Variants in PLCB4 observed in about 807,000 individuals in gnomAD.
PLCB4 encodes the protein 1-phosphatidylinositol 4,5-bisphosphate phosphodiesterase beta-4.
PLCB4 carries 77 observed loss-of-function variants against 178.8 expected under a neutral mutation model. The observed-to-expected ratio is 0.43, with a 90% CI of 0.36 to 0.52. The LOEUF is 0.52. Among genes scored for constraint, PLCB4 ranks in the 20% least tolerant of loss-of-function variants. The pLI is 0.00. For synonymous variants in PLCB4, 496 were observed against 490.8 expected (o/e 1.01, Z -0.14); for missense variants, 1,024 against 1,453.4 (o/e 0.70, Z 4.80).
intron 7 of PLCB4, among the ~76,000 whole-genome samples, chr20:9,356,620 G>A (rs897451190): frequency 6.6e-6 from 1 of 152,142 alleles, no homozygotes; most frequent in African/African-American, 2.4e-5. Context: ...TGCTCCAAGT[G>A]CATGGAAATG....
chr20:9,072,810 G>C (rs191657456), intron 1 of PLCB4, among the ~76,000 whole-genome samples: 1 of 152,244 alleles, frequency 6.6e-6, no homozygotes, highest in East Asian at 1.9e-4. Context: ...TTATGTTCCA[G>C]GGAATGAATG....
At chr20:9,392,423 TA>T (rs758072218) in intron 17 of PLCB4, among the ~76,000 whole-genome samples, 4 of 152,184 alleles carry the variant, frequency 2.6e-5, no homozygotes, top group Non-Finnish European at 5.9e-5. Flanking sequence ...AGTAAAGTTA[TA>T]AAGTCATTTA....
chr20:9,269,930 G>T (rs1398181202), intron 3 of PLCB4, among the ~76,000 whole-genome samples: 1 of 152,104 alleles, frequency 6.6e-6, no homozygotes, highest in Non-Finnish European at 1.5e-5. Context: ...AAATATTTAA[G>T]TGCTTCTAAC....
upstream of PLCB4, chr20:9,068,727 C>CGGGAGGCGAGAACGAGGA (rs1277499932): frequency 8.0e-5 from 12 of 150,760 alleles, no homozygotes; most frequent in African/African-American, 2.7e-4. Context: ...GCTCTGGAGC[C>CGGGAGGCGAGAACGAGGA]GGGAGGCGAG....
chr20:9,459,751 A>G lies in PLCB4; in HGVS notation c.3189A>G (p.Lys1063=). The G allele has an allele frequency of 6.2e-7, 1 of 1,613,420 alleles. No individual in the cohort carries two copies. The highest frequency in any genetic ancestry group is 8.5e-7 in the Non-Finnish European group (1 of 1,179,472). Residue 1063 remains lysine, a synonymous_variant, in exon 35 of 40, where the codon AAA becomes AAG. Coordinates refer to ENST00000378473, the MANE Select transcript of PLCB4 (RefSeq NM_001377142.1). ...TCAGCCAGCAGTGTGAGCTGCTGAA[A>G]AAGCTACTCATCAATGCCCACGAGC... The part of the protein sequence containing the change: ...LHLSQQCELL[K]KLLINAHEQQ...
At chr20:9,429,254 T>C (rs1311320916) in intron 28 of PLCB4, among the ~76,000 whole-genome samples, 2 of 152,152 alleles carry the variant, frequency 1.3e-5, no homozygotes, top group Admixed American at 6.5e-5. Context: ...GGAGTTTGCA[T>C]GCATCCATCT....
chr20:9,390,051 A>G, intron 16 of PLCB4, 93 bp downstream of exon 16: 1 of 699,966 alleles, frequency 1.4e-6, no homozygotes, highest in Non-Finnish European at 2.5e-6. Flanking sequence ...AAATAGCTGA[A>G]TAGTTTGTTT....
intron 3 of PLCB4, among the ~76,000 whole-genome samples, chr20:9,238,955 T>C (rs1032897049): frequency 3.3e-5 from 5 of 152,218 alleles, no homozygotes; most frequent in African/African-American, 9.6e-5. Context: ...CTTATGGTGG[T>C]CATTGCTGTA....
intron 2 of PLCB4, among the ~76,000 whole-genome samples, chr20:9,111,877 A>C (rs938339969): frequency 1.1e-4 from 16 of 152,210 alleles, no homozygotes; most frequent in Admixed American, 1.0e-3. Context: ...TTGCCTTCTC[A>C]AAGTATTTTT....
intron 25 of PLCB4, among the ~76,000 whole-genome samples, chr20:9,413,107 C>T (rs771935126): frequency 6.6e-6 from 1 of 152,234 alleles, no homozygotes; most frequent in Non-Finnish European, 1.5e-5. Flanking sequence ...CCTTTAAGGA[C>T]CCCAAGGAGT....
intron 27 of PLCB4, among the ~76,000 whole-genome samples, chr20:9,421,748 C>A (rs1202623544): frequency 6.6e-6 from 1 of 152,144 alleles, no homozygotes; most frequent in Non-Finnish European, 1.5e-5. Context: ...CACCATCGTA[C>A]ACTAGAGAGT....
chr20:9,368,442 A>G (rs944548539), intron 9 of PLCB4, among the ~76,000 whole-genome samples: 19 of 152,140 alleles, frequency 1.2e-4, no homozygotes, highest in African/African-American at 4.6e-4. Context: ...AACACCAATG[A>G]CTAGAAAATT....
intron 3 of PLCB4, among the ~76,000 whole-genome samples, chr20:9,298,501 C>T (rs2094665916): frequency 6.6e-6 from 1 of 151,970 alleles, no homozygotes; most frequent in Admixed American, 6.6e-5. Flanking sequence ...TCTAAATACT[C>T]CAGGCAACTA....
intron 2 of PLCB4, among the ~76,000 whole-genome samples, chr20:9,208,575 T>C (rs554644301): frequency 6.6e-6 from 1 of 152,222 alleles, no homozygotes; most frequent in East Asian, 1.9e-4. Flanking sequence ...GGTCTTGCTC[T>C]GTTGCCTAGG....
At chr20:9,388,556 T>G (rs557047060) in intron 15 of PLCB4, among the ~76,000 whole-genome samples, 28 of 152,252 alleles carry the variant, frequency 1.8e-4, no homozygotes, top group African/African-American at 6.0e-4. Flanking sequence ...CTGTCTGTAC[T>G]AAAAATACAA....
intron 1 of PLCB4, among the ~76,000 whole-genome samples, chr20:9,091,629 G>A (rs1436692063): frequency 6.6e-6 from 1 of 150,610 alleles, no homozygotes; most frequent in Non-Finnish European, 1.5e-5. Context: ...AAAGGGGAGA[G>A]ACTAGTGCCT....
intron 2 of PLCB4, among the ~76,000 whole-genome samples, chr20:9,149,775 T>G (rs958442204): frequency 5.9e-5 from 9 of 152,058 alleles, no homozygotes; most frequent in African/African-American, 2.2e-4. Context: ...TCAATATGAG[T>G]TTCCTGGGAA....
chr20:9,363,535 T>C (rs2035526841), intron 8 of PLCB4, among the ~76,000 whole-genome samples: 1 of 152,184 alleles, frequency 6.6e-6, no homozygotes, highest in Non-Finnish European at 1.5e-5. Context: ...ATTTCCAAAT[T>C]TATTTTTTCC....
intron 2 of PLCB4, among the ~76,000 whole-genome samples, chr20:9,113,585 T>A: frequency 6.6e-6 from 1 of 152,220 alleles, no homozygotes; most frequent in East Asian, 1.9e-4. Context: ...TTTAATTACC[T>A]TTGTGGAGTA....
Sources: gnomAD v4.1 joint callset for allele counts (sites outside exome capture counted in the v4.1 genomes callset) on GRCh38, gnomAD v4.1.1 for gene constraint, MANE v1.5 for transcripts, NCBI Gene and HGNC (gene_info 2026-07-23, HGNC 2026-07-21) for gene names.